The following SMS variants were observed in gnomAD, a reference collection of about 807,000 sequenced individuals.
SMS encodes the protein spermine synthase.
In SMS, 3 loss-of-function variants were observed where a neutral mutation model predicts 33.0. The ratio of observed to expected loss-of-function variants is 0.09; its 90% CI spans 0.04 to 0.23. SMS has a LOEUF of 0.23. Ranked by LOEUF, SMS falls within the 10% of genes least tolerant of loss-of-function variation. The pLI, the probability that SMS is intolerant of heterozygous loss-of-function variation, is 1.00. For missense variants in SMS, 117 were observed against 288.6 expected (o/e 0.41, Z 4.31); for synonymous variants, 103 against 112.2 (o/e 0.92, Z 0.52).
At chrX:21,941,595 A>G (rs956561137) in intron 1 of SMS, among the ~76,000 whole-genome samples, 3 of 110,514 alleles carry the variant, frequency 2.7e-5, no homozygotes, top group Non-Finnish European at 5.7e-5. Context: ...GGAGCTATCA[A>G]AAGACAGCCG....
intron 1 of SMS, chrX:21,941,408 G>A: frequency 5.0e-6 from 1 of 200,855 alleles, no homozygotes; most frequent in South Asian, 5.2e-5. Context: ...CCCTCGTAGG[G>A]AGCTGGGGCT....
chrX:21,968,283 C>T (rs982748551), intron 2 of SMS, among the ~76,000 whole-genome samples: 9 of 112,251 alleles, frequency 8.0e-5, no homozygotes, highest in East Asian at 2.8e-4. Flanking sequence ...TGTGTTATTA[C>T]GGTTGGGGGG....
intron 1 of SMS, among the ~76,000 whole-genome samples, chrX:21,961,352 G>T (rs1023712847): frequency 3.6e-5 from 4 of 110,560 alleles, no homozygotes; most frequent in African/African-American, 1.3e-4. Flanking sequence ...CTGTTATGGG[G>T]AATGTTAAGT....
intron 1 of SMS, among the ~76,000 whole-genome samples, chrX:21,951,642 T>TTTG (rs1404726107): frequency 2.7e-5 from 3 of 111,233 alleles, no homozygotes; most frequent in Non-Finnish European, 5.7e-5. Flanking sequence ...GGGGTCCAGT[T>TTTG]TCTGTTTTCT....
intron 1 of SMS, 35 bp downstream of exon 1, chrX:21,940,908 C>T (rs756852340): frequency 1.0e-6 from 1 of 967,980 alleles, no homozygotes; most frequent in South Asian, 2.3e-5. Context: ...GTGGCCATCC[C>T]CGCCGCTCCC....
At chrX:21,976,568 C>T (rs764664019) in intron 4 of SMS, among the ~76,000 whole-genome samples, 36 of 89,683 alleles carry the variant, frequency 4.0e-4, no homozygotes, top group Admixed American at 1.6e-3. Context: ...AAAAATTATA[C>T]GTTACATGAG....
At position 21,986,215 on chromosome X, in the gene SMS, G is replaced by A. The variant is rs1026826019; in HGVS notation, c.945+992G>A. ...AATACAAAAATTAGCCAGGCATGGT[G>A]GCAGCAGCCTGTAATCCCAGCTACT... On this transcript the variant is annotated intron_variant, in intron 9 of 10. Coordinates refer to ENST00000404933, the MANE Select transcript of SMS (RefSeq NM_004595.5). Among the ~76,000 whole-genome samples, 11 of 108,684 alleles carry A rather than the reference G, an allele frequency of 1.0e-4. No individual in the cohort carries two copies. In the East Asian group the frequency reaches 3.2e-3, roughly 31 times the overall value. 94.4% of individuals were successfully genotyped at this position (108,684 alleles called of 115,157 possible).
chrX:21,954,928 C>T (rs1922873738), intron 1 of SMS, among the ~76,000 whole-genome samples: 1 of 110,711 alleles, frequency 9.0e-6, no homozygotes, highest in African/African-American at 3.3e-5. Context: ...CCCCTGCCTT[C>T]TGGGTTCAAG....
At chrX:21,976,928 C>G in intron 4 of SMS, 133 bp from the exon 5 acceptor site, 2 of 600,699 alleles carry the variant, frequency 3.3e-6, no homozygotes, top group Non-Finnish European at 5.7e-6. Context: ...AACTAAAAGC[C>G]CAAGCTTTGG....
Position 21,967,073 on chromosome X carries a change from TTTATTTATTTATTTATTTAC to T in SMS, c.50-108_50-89del, listed in dbSNP as rs765255793. ...TTTTTAATTTTTATTTATTTATTTA[TTTATTTATTTATTTATTTAC>T]TTATTTATTTATTTTTAAGCTCAGT... On this transcript the variant is annotated intron_variant, in intron 1 of 10. Transcript: ENST00000404933. The T allele has an allele frequency of 0.23, 79,575 of 349,806 alleles. 6,045 individuals carry two copies. The highest frequency in any genetic ancestry group is 0.25 in the Non-Finnish European group (63,222 of 249,347). 28.8% of individuals were successfully genotyped at this position (349,806 alleles called of 1,213,427 possible). A position where few individuals can be genotyped will look rare whatever the true frequency, so the allele number is the denominator to read the frequency against.
intron 9 of SMS, among the ~76,000 whole-genome samples, chrX:21,987,387 C>T (rs985607772): frequency 2.7e-5 from 3 of 111,933 alleles, no homozygotes; most frequent in Non-Finnish European, 3.8e-5. Flanking sequence ...GGCTGGAGTG[C>T]AGTGGCACAG....
At chrX:21,944,539 A>AAAAAAAAAAAAAAAAAG (rs776946474) in intron 1 of SMS, among the ~76,000 whole-genome samples, 10 of 81,423 alleles carry the variant, frequency 1.2e-4, no homozygotes, top group Admixed American at 3.5e-4. Flanking sequence ...AAAAAAAAAA[A>AAAAAAAAAAAAAAAAAG]AAAAAAGAAA....
Position 21,974,856 on chromosome X carries a change from C to CTTTT in SMS, c.330-2188_330-2185dup, listed in dbSNP as rs11347193. Reference sequence around the variant, plus strand: ...CCTCAAAAGGACAAGGATTGCTATCCTTTTTTTTTTTTTTTTTTTTAAATC... The same window carrying CTTTT: ...CCTCAAAAGGACAAGGATTGCTATCCTTTTTTTTTTTTTTTTTTTTTTTTAAATC... On this transcript the variant is annotated intron_variant, in intron 4 of 10. Coordinates refer to ENST00000404933, the MANE Select transcript of SMS (RefSeq NM_004595.5). Among the ~76,000 whole-genome samples, 3 of 83,307 alleles carry CTTTT rather than the reference C, an allele frequency of 3.6e-5. No homozygotes were observed. The Admixed American group carries it at 4.2e-4, about 12-fold the overall frequency. 72.3% of individuals were successfully genotyped at this position (83,307 alleles called of 115,157 possible). A position where few individuals can be genotyped will look rare whatever the true frequency, so the allele number is the denominator to read the frequency against.
intron 1 of SMS, among the ~76,000 whole-genome samples, chrX:21,950,193 G>T (rs1922507436): frequency 9.0e-6 from 1 of 111,523 alleles, no homozygotes; most frequent in Non-Finnish European, 1.9e-5. Flanking sequence ...GCACACTGCA[G>T]TACCTGGCTG....
intron 1 of SMS, among the ~76,000 whole-genome samples, chrX:21,957,489 G>A (rs1923053921): frequency 9.0e-6 from 1 of 110,768 alleles, no homozygotes; most frequent in South Asian, 3.8e-4. Context: ...TAGGGACGGG[G>A]TTTCACCGTG....
At chrX:21,967,459 A>T (rs1923817711) in intron 2 of SMS, 143 bp downstream of exon 2, 1 of 610,214 alleles carries the variant, frequency 1.6e-6, no homozygotes, top group African/African-American at 2.3e-5. Context: ...GTGCTTCTCA[A>T]CCGTAGCTGC....
chrX:21,955,543 A>T (rs1157441766), intron 1 of SMS, among the ~76,000 whole-genome samples: 1 of 111,872 alleles, frequency 8.9e-6, no homozygotes, highest in East Asian at 2.8e-4. Context: ...AAACACTGCA[A>T]GTCCCCTCTC....
In SMS at chrX:21,956,276, T is replaced by A. The variant is rs1922964113; in HGVS notation, c.50-10920T>A. 2.7e-5 allele frequency among the ~76,000 whole-genome samples: 3 copies of A among 110,889 alleles called. No homozygotes were observed. In the Admixed American group the frequency reaches 2.9e-4, roughly 11 times the overall value. ...TCTCTGTGAACATCAGAAACCATTCTATGAAAAAGTCCTGTAAATTTTTCA... is the reference window on the plus strand; with the variant it reads ...TCTCTGTGAACATCAGAAACCATTCAATGAAAAAGTCCTGTAAATTTTTCA... On this transcript the variant is annotated intron_variant, in intron 1 of 10. Coordinates refer to ENST00000404933, the MANE Select transcript of SMS (RefSeq NM_004595.5).
intron 1 of SMS, among the ~76,000 whole-genome samples, chrX:21,963,499 C>T (rs760038995): frequency 1.8e-5 from 2 of 112,427 alleles, no homozygotes; most frequent in Admixed American, 9.4e-5. Flanking sequence ...TACTTCAAAT[C>T]GGATTTCTTG....
Sources: allele counts gnomAD v4.1 joint callset (sites outside exome capture counted in the v4.1 genomes callset), GRCh38; gene constraint gnomAD v4.1.1; transcripts MANE v1.5; gene names NCBI Gene and HGNC (gene_info 2026-07-23, HGNC 2026-07-21).